JAKMIP3: variants seen among roughly 807,000 people sequenced by gnomAD.
The protein encoded by JAKMIP3 is janus kinase and microtubule-interacting protein 3.
In JAKMIP3, 58 loss-of-function variants were observed where a neutral mutation model predicts 118.5. The ratio of observed to expected loss-of-function variants is 0.49; its 90% CI spans 0.40 to 0.61. The LOEUF (loss-of-function observed/expected upper bound fraction) is 0.61, where lower values mean the gene tolerates loss of function less well. Among genes scored for constraint, JAKMIP3 ranks in the 20% least tolerant of loss-of-function variants. The probability of loss-of-function intolerance (pLI) is 0.00; values close to 1 mark genes in which losing one functional copy is unlikely to be tolerated. For synonymous variants in JAKMIP3, 486 were observed against 451.2 expected (o/e 1.08, Z -0.98); for missense variants, 950 against 1,109.0 (o/e 0.86, Z 2.04).
At chr10:132,140,996 CAGG>C (rs1259386488) in intron 10 of JAKMIP3, among the ~76,000 whole-genome samples, 10 of 152,198 alleles carry the variant, frequency 6.6e-5, no homozygotes, top group Non-Finnish European at 1.0e-4. Context: ...GGGTGTTGAG[CAGG>C]AGTTTTCTTT....
At chr10:132,036,986 G>A (rs1030664930) in intron 1 of JAKMIP3, among the ~76,000 whole-genome samples, 2 of 151,758 alleles carry the variant, frequency 1.3e-5, no homozygotes, top group Admixed American at 6.6e-5. Context: ...CGGCGCTGGC[G>A]TGACGCGGCC....
rs1391655197 is a variant in JAKMIP3, at chr10:132,180,662, T to C, written c.*1104-1695T>C. Among the ~76,000 whole-genome samples the C allele has an allele frequency of 4.0e-3, 134 of 33,392 alleles. 19 individuals are homozygous for C. Among genetic ancestry groups the C allele is most frequent in the African/African-American group, 0.018 (118 of 6,592 alleles). 21.9% of individuals were successfully genotyped at this position (33,392 alleles called of 152,430 possible). On this transcript the variant is annotated intron_variant, in intron 23 of 23. Transcript: ENST00000684848. The stretch of plus-strand genomic sequence containing the variant: ...GCGTGTGTGCGTGTGCGTGTGCGTG[T>C]GTGCGTGTGTGTGCGCGCGCGTGTG...
At chr10:132,086,419 TTC>T (rs1233687830) in intron 1 of JAKMIP3, among the ~76,000 whole-genome samples, 2 of 152,358 alleles carry the variant, frequency 1.3e-5, no homozygotes, top group African/African-American at 4.8e-5. Context: ...TTTGTTGACT[TTC>T]TGTCTTGATG....
At position 132,164,885 on chromosome 10, in the gene JAKMIP3, G is replaced by GGCTGGGCGGAGCTGA. The variant is rs950421140; in HGVS notation, c.2490+172_2490+186dup. ...GGAAGCGGCCGCCTGGAGGCCTGAAGGCTGGGCGGAGCTGAGCTGGGCGGA... is the reference window on the plus strand; with the variant it reads ...GGAAGCGGCCGCCTGGAGGCCTGAAGGCTGGGCGGAGCTGAGCTGGGCGGAGCTGAGCTGGGCGGA... On this transcript the variant is annotated intron_variant, in intron 21 of 23. Transcript: ENST00000684848. 44 of 641,534 alleles carry GGCTGGGCGGAGCTGA rather than the reference G, an allele frequency of 6.9e-5. No individual in the cohort carries two copies. The East Asian group carries it at 9.2e-4, about 13-fold the overall frequency. 39.7% of individuals were successfully genotyped at this position (641,534 alleles called of 1,614,324 possible). A position where few individuals can be genotyped will look rare whatever the true frequency, so the allele number is the denominator to read the frequency against.
In JAKMIP3 at chr10:132,183,982, A is replaced by G. The variant is rs1189133272; in HGVS notation, c.*2729A>G. On this transcript the variant is annotated 3_prime_UTR_variant, in exon 24 of 24. Transcript: ENST00000684848. Reference sequence around the variant, plus strand: ...CTGTCTTACTGCTAGCTCTTCTAACAGGGGAAGTCTGTATGAATGCATCAC... The same window carrying G: ...CTGTCTTACTGCTAGCTCTTCTAACGGGGGAAGTCTGTATGAATGCATCAC... The G allele has an allele frequency of 6.6e-6, 1 of 152,214 alleles. No homozygotes were observed. The highest frequency in any genetic ancestry group is 1.5e-5 in the Non-Finnish European group (1 of 68,044). 9.4% of individuals were successfully genotyped at this position (152,214 alleles called of 1,614,324 possible).
rs976293653 is a variant in JAKMIP3 at position 132,112,152 on chromosome 10, G to A, written c.136-4925G>A. On this transcript the variant is annotated intron_variant, in intron 2 of 23. Transcript: ENST00000684848. This position sits in a 1 kb window ranked among gnomAD's most constrained non-coding sequence, Gnocchi z 4.3. Reference sequence around the variant, plus strand: ...GCGAGGATGATGGGCACTGGGGGCCGGAGGACATCAAGGACTCTGCGTGAG... The same window carrying A: ...GCGAGGATGATGGGCACTGGGGGCCAGAGGACATCAAGGACTCTGCGTGAG... 2.0e-5 allele frequency among the ~76,000 whole-genome samples: 3 copies of A among 152,132 alleles called. No individual in the cohort carries two copies. Among genetic ancestry groups the A allele is most frequent in the Non-Finnish European group, 2.9e-5 (2 of 67,960 alleles).
chr10:132,143,155 G>T (rs2053906489), intron 11 of JAKMIP3, among the ~76,000 whole-genome samples: 1 of 151,892 alleles, frequency 6.6e-6, no homozygotes, highest in Admixed American at 6.6e-5. Context: ...GGTGGGGGGG[G>T]CTGGCCTTGG....
Position 132,118,505 on chromosome 10 carries a change from C to G in JAKMIP3, c.633+931C>G, listed in dbSNP as rs965760679. Among the ~76,000 whole-genome samples the G allele has an allele frequency of 6.6e-6, 1 of 152,200 alleles. No individual in the cohort carries two copies. Among genetic ancestry groups the G allele is most frequent in the Non-Finnish European group, 1.5e-5 (1 of 68,012 alleles). Reference sequence around the variant, plus strand: ...GGGCGTGGCTGTGCACCTGGGGCAGCCTCCCTCTGCCTGCTTCCCGGGGCC... The same window carrying G: ...GGGCGTGGCTGTGCACCTGGGGCAGGCTCCCTCTGCCTGCTTCCCGGGGCC... On this transcript the variant is annotated intron_variant, in intron 3 of 23. Coordinates refer to ENST00000684848, the MANE Select transcript of JAKMIP3 (RefSeq NM_001323087.2). The surrounding 1 kb of genome is among the most constrained non-coding windows in gnomAD (Gnocchi z 4.8).
rs371249246 is a variant in JAKMIP3 at position 132,149,967 on chromosome 10, T to C, written c.1948-15T>C. 5 of 1,521,090 alleles carry C rather than the reference T, an allele frequency of 3.3e-6. No individual in the cohort carries two copies. The highest frequency in any genetic ancestry group is 1.7e-4 in the Middle Eastern group (1 of 5,842). The allele number at this position is 1,521,090 out of a possible 1,614,324, so 94.2% of individuals were successfully genotyped here. A position where few individuals can be genotyped will look rare whatever the true frequency, so the allele number is the denominator to read the frequency against. On this transcript the variant is annotated splice_polypyrimidine_tract_variant and intron_variant, in intron 15 of 23. Coordinates refer to ENST00000684848, the MANE Select transcript of JAKMIP3 (RefSeq NM_001323087.2). ...CCCCGTGGCCACTCACCCCTACCTG[T>C]CCTCTGTGCCTTAGGACATTGTGGT...
intron 23 of JAKMIP3, among the ~76,000 whole-genome samples, chr10:132,176,599 C>T (rs928033093): frequency 5.3e-5 from 8 of 152,130 alleles, no homozygotes; most frequent in South Asian, 2.1e-4. Flanking sequence ...GACTACTAAC[C>T]GCTATACGAT....
At chr10:132,124,165 G>A (rs1209347917) in intron 3 of JAKMIP3, among the ~76,000 whole-genome samples, 2 of 152,228 alleles carry the variant, frequency 1.3e-5, no homozygotes, top group African/African-American at 4.8e-5. Flanking sequence ...CAGCACTGGG[G>A]TGGGGGCCCA....
intron 3 of JAKMIP3, among the ~76,000 whole-genome samples, chr10:132,125,093 G>A (rs1246833744): frequency 6.6e-6 from 1 of 152,216 alleles, no homozygotes; most frequent in Non-Finnish European, 1.5e-5. Context: ...AAGGAAGCCC[G>A]ATTTGTCGGT....
At chr10:132,180,588 T>C (rs1396552509) in intron 23 of JAKMIP3, among the ~76,000 whole-genome samples, 427 of 27,978 alleles carry the variant, frequency 0.015, 74 homozygotes, top group African/African-American at 0.047. Flanking sequence ...TGCGTGCGCG[T>C]GTGTGTGTGC....
chr10:132,107,737 C>T (rs1029178640), intron 2 of JAKMIP3, among the ~76,000 whole-genome samples: 4 of 152,198 alleles, frequency 2.6e-5, no homozygotes, highest in Admixed American at 6.5e-5. Context: ...GGCACAAGCT[C>T]GTCCATGTTA....
At chr10:132,084,897 A>C (rs888208581) in intron 1 of JAKMIP3, among the ~76,000 whole-genome samples, 2 of 152,132 alleles carry the variant, frequency 1.3e-5, no homozygotes, top group African/African-American at 4.8e-5. Flanking sequence ...CATATGTTAA[A>C]CCACCCCTGC....
intron 2 of JAKMIP3, among the ~76,000 whole-genome samples, chr10:132,105,153 A>G (rs12768232): frequency 0.22 from 33,899 of 152,128 alleles, 4,264 homozygotes; most frequent in African/African-American, 0.35. Context: ...CGTGGTGGTG[A>G]CCGCAAACCA....
Position 132,137,259 on chromosome 10 carries a change from T to C in JAKMIP3, c.1254T>C (p.Leu418=). The change falls in exon 8 of 24, where the codon CTT becomes CTC. Residue 418 remains leucine, a synonymous_variant. Transcript: ENST00000684848. ...ATGCTGTCTTCCTTTCCTAGACCCT[T>C]GAGACCGCCGGCTACGTGAAGAGCG... The part of the protein sequence containing the change: ...QNLIDELSKT[L]ETAGYVKSVL... 1 of 1,613,910 alleles carries C rather than the reference T, an allele frequency of 6.2e-7. No individual in the cohort carries two copies. Among genetic ancestry groups the C allele is most frequent in the Admixed American group, 1.7e-5 (1 of 60,028 alleles).
At position 132,109,077 on chromosome 10, in the gene JAKMIP3, CATATATAT is replaced by C. The variant is rs1185078610; in HGVS notation, c.135+4136_135+4143del. 1.2e-3 allele frequency among the ~76,000 whole-genome samples: 167 copies of C among 136,402 alleles called. 16 individuals are homozygous for C. The highest frequency in any genetic ancestry group is 1.3e-3 in the South Asian group (6 of 4,504). The allele number at this position is 136,402 out of a possible 152,430, so 89.5% of individuals were successfully genotyped here. On this transcript the variant is annotated intron_variant, in intron 2 of 23. Coordinates refer to ENST00000684848, the MANE Select transcript of JAKMIP3 (RefSeq NM_001323087.2). ...ATACATGCACATATACACACATACA[CATATATAT>C]ACACACACATATATATATACACACA...
chr10:132,053,929 C>T (rs367748336), intron 1 of JAKMIP3, among the ~76,000 whole-genome samples: 15 of 151,102 alleles, frequency 9.9e-5, no homozygotes, highest in African/African-American at 2.7e-4. Flanking sequence ...CCCAGCTACT[C>T]GGGTGGGGGC....
Sources: gnomAD v4.1 joint callset for allele counts (sites outside exome capture counted in the v4.1 genomes callset) on GRCh38, gnomAD v4.1.1 for gene constraint, Gnocchi (gnomAD v3.1) non-coding constraint, MANE v1.5 for transcripts, NCBI Gene and HGNC (gene_info 2026-07-23, HGNC 2026-07-21) for gene names.